The following HESX1 variants were observed in gnomAD, a reference collection of about 807,000 sequenced individuals.
The protein encoded by HESX1 is HESX homeobox 1.
In HESX1, 11 loss-of-function variants were observed where a neutral mutation model predicts 22.5. That is an observed-to-expected ratio of 0.49 (90% CI 0.31 to 0.81). HESX1 has a LOEUF of 0.81. Ranked by LOEUF, HESX1 falls within the 30% of genes least tolerant of loss-of-function variation. The pLI, the probability that HESX1 is intolerant of heterozygous loss-of-function variation, is 0.05. For synonymous variants in HESX1, 74 were observed against 76.5 expected, an observed-to-expected ratio of 0.97 and a Z score of 0.17; for missense variants, 201 against 212.6, an observed-to-expected ratio of 0.95 and a Z score of 0.34.
rs2060464464 is a variant in HESX1, at chr3:57,198,790, C to T, written c.320G>A (p.Arg107Lys). The change falls in exon 2 of 4, where the codon AGA becomes AAA. Residue 107 changes from arginine (R) to lysine (K), a missense_variant. Arg to Lys is a conservative substitution (Grantham distance 26, BLOSUM62 2). Coordinates refer to ENST00000295934, the MANE Select transcript of HESX1 (RefSeq NM_003865.3). ...LSLKRELSWY[R>K]GRRPRTAFTQ... is the part of the protein sequence containing the mutation. Reference sequence around the variant, plus strand: ...AAAAGCAGTTCTTGGTCTTCGGCCTCTATACCAACTCAACTCTCTTTTCAA... The same window carrying T: ...AAAAGCAGTTCTTGGTCTTCGGCCTTTATACCAACTCAACTCTCTTTTCAA... 1.2e-6 allele frequency: 2 copies of T among 1,614,022 alleles called. No homozygotes were observed. Among genetic ancestry groups the T allele is most frequent in the Admixed American group, 3.3e-5 (2 of 59,992 alleles).
At chr3:57,219,032 C>A (rs890355775) in intron 1 of HESX1, among the ~76,000 whole-genome samples, 6 of 152,176 alleles carry the variant, frequency 3.9e-5, no homozygotes, top group Admixed American at 2.6e-4. Flanking sequence ...ACACTCCCAC[C>A]AATAGTGTAC....
At chr3:57,214,440 G>A (rs1348627218) in intron 1 of HESX1, among the ~76,000 whole-genome samples, 3 of 152,278 alleles carry the variant, frequency 2.0e-5, no homozygotes, top group Non-Finnish European at 4.4e-5. Flanking sequence ...GAATAGGACC[G>A]AGGAAGGGTT....
upstream of HESX1, among the ~76,000 whole-genome samples, chr3:57,200,321 T>A (rs76128485): frequency 6.6e-6 from 1 of 152,364 alleles, no homozygotes; most frequent in East Asian, 1.9e-4. Context: ...TATACTTTCA[T>A]GGGCTCCAGT....
chr3:57,209,381 C>T lies in HESX1; in HGVS notation c.-110-9353G>A, dbSNP rs940791458. On this transcript the variant is annotated intron_variant, in intron 1 of 2. Coordinates refer to the HESX1 transcript ENST00000495160. ...TGATGATAGGCCGGGCGCAGTGGCT[C>T]ATGCCTGTAATCCCAGCACTGTGGG... 3.3e-5 allele frequency among the ~76,000 whole-genome samples: 5 copies of T among 152,298 alleles called. No homozygotes were observed. In the East Asian group the frequency reaches 9.7e-4, roughly 29 times the overall value.
chr3:57,201,881 ATCTATCTATC>A (rs1559498203), upstream of HESX1, among the ~76,000 whole-genome samples: 3 of 131,460 alleles, frequency 2.3e-5, no homozygotes, highest in African/African-American at 9.7e-5. Flanking sequence ...ATCTATATCT[ATCTATCTATC>A]TATCTATCTA....
At chr3:57,222,035 G>A (rs941367710) in intron 1 of HESX1, among the ~76,000 whole-genome samples, 29 of 152,074 alleles carry the variant, frequency 1.9e-4, no homozygotes, top group African/African-American at 6.8e-4. Context: ...AATATTTGTT[G>A]AATGAAGACA....
Position 57,199,747 on chromosome 3 carries a change from T to C in HESX1, c.157+15A>G. 6.2e-7 allele frequency: 1 copy of C among 1,613,472 alleles called. No individual in the cohort carries two copies. The highest frequency in any genetic ancestry group is 1.3e-5 in the African/African-American group (1 of 75,024). ...TGAAATAACAAAGAATTGAAACAATTAAGCTGTGGCATACCTGATGAGCTG... is the reference window on the plus strand; with the variant it reads ...TGAAATAACAAAGAATTGAAACAATCAAGCTGTGGCATACCTGATGAGCTG... On this transcript the variant is annotated intron_variant, in intron 1 of 3. Transcript: ENST00000295934.
chr3:57,199,694 A>G, intron 1 of HESX1, 68 bp downstream of exon 1: 1 of 1,413,338 alleles, frequency 7.1e-7, no homozygotes, highest in Non-Finnish European at 1.0e-6. Context: ...ATGTAGTATG[A>G]AATAAAGGGC....
Position 57,224,452 on chromosome 3 carries a change from T to A in HESX1, c.-111+1844A>T, listed in dbSNP as rs996105763. Among the ~76,000 whole-genome samples, 7 of 152,072 alleles carry A rather than the reference T, an allele frequency of 4.6e-5. No homozygotes were observed. In the East Asian group the frequency reaches 5.8e-4, roughly 13 times the overall value. On this transcript the variant is annotated intron_variant, in intron 1 of 2. Transcript: ENST00000495160. ...TGTGCCCACCTGACTCTTTAAAAAT[T>A]TTTTTTAAATACAAAGTGATTTAGG...
At chr3:57,223,323 GTTC>G (rs1269105616) in intron 1 of HESX1, among the ~76,000 whole-genome samples, 1 of 151,988 alleles carries the variant, frequency 6.6e-6, no homozygotes, top group Non-Finnish European at 1.5e-5. Context: ...TAATTAATGT[GTTC>G]TTCTAAAAAG....
upstream of HESX1, among the ~76,000 whole-genome samples, chr3:57,204,076 C>G (rs1188059781): frequency 1.3e-5 from 2 of 152,222 alleles, no homozygotes; most frequent in African/African-American, 4.8e-5. Flanking sequence ...CAGCCTGCAG[C>G]CAAGTCAGCC....
At chr3:57,222,186 T>C (rs530511915) in intron 1 of HESX1, among the ~76,000 whole-genome samples, 1 of 152,228 alleles carries the variant, frequency 6.6e-6, no homozygotes, top group South Asian at 2.1e-4. Context: ...TGCTACTCTG[T>C]TTTTCACTGC....
intron 1 of HESX1, among the ~76,000 whole-genome samples, chr3:57,211,527 C>CAAAA (rs61137408): frequency 9.4e-5 from 3 of 31,974 alleles, no homozygotes; most frequent in Non-Finnish European, 1.5e-4. Context: ...GAGACCTTGT[C>CAAAA]AAAAAAAAAA....
At chr3:57,200,160 A>ACCC (rs930739183), upstream of HESX1, 5 of 506,788 alleles carry the variant, frequency 9.9e-6, no homozygotes, top group African/African-American at 1.9e-5. Flanking sequence ...TAATGGCTAC[A>ACCC]CCAGGGGGGC....
At chr3:57,208,507 C>T (rs528935244) in intron 1 of HESX1, among the ~76,000 whole-genome samples, 2 of 151,900 alleles carry the variant, frequency 1.3e-5, no homozygotes, top group East Asian at 2.0e-4. Context: ...CTACCATACC[C>T]GGATAATTTT....
upstream of HESX1, among the ~76,000 whole-genome samples, chr3:57,203,299 C>T (rs1015317919): frequency 1.3e-5 from 2 of 151,888 alleles, no homozygotes; most frequent in Admixed American, 6.6e-5. Flanking sequence ...AATTGTTTAG[C>T]GGCAAAAGAT....
chr3:57,198,765 A>C lies in HESX1; in HGVS notation c.345T>G (p.Phe115Leu), dbSNP rs142615159. ...WYRGRRPRTA[F>L]TQNQIEVLEN... ...AAAAACTTCCCACCTGGTTTTGAGT[A>C]AAAGCAGTTCTTGGTCTTCGGCCTC... The change falls in exon 2 of 4, where the codon TTT becomes TTG. Residue 115 changes from phenylalanine to leucine, a missense_variant. Transcript: ENST00000295934. 2 of 1,613,862 alleles carry C rather than the reference A, an allele frequency of 1.2e-6. No individual in the cohort carries two copies. Among genetic ancestry groups the C allele is most frequent in the African/African-American group, 2.7e-5 (2 of 74,918 alleles).
upstream of HESX1, among the ~76,000 whole-genome samples, chr3:57,201,387 A>C (rs756792342): frequency 6.6e-6 from 1 of 152,092 alleles, no homozygotes; most frequent in Non-Finnish European, 1.5e-5. Flanking sequence ...GGTGGGGGGT[A>C]TCTTAATCTG....
intron 1 of HESX1, among the ~76,000 whole-genome samples, chr3:57,211,647 A>G (rs1035433693): frequency 6.6e-6 from 1 of 151,568 alleles, no homozygotes; most frequent in Admixed American, 6.6e-5. Context: ...AGCCTGGCCA[A>G]CATGGTGAAA....
Sources: gnomAD v4.1 joint callset for allele counts (sites outside exome capture counted in the v4.1 genomes callset) on GRCh38, gnomAD v4.1.1 for gene constraint, MANE v1.5 for transcripts, NCBI Gene and HGNC (gene_info 2026-07-23, HGNC 2026-07-21) for gene names.